Variants in PSMB9 observed in about 807,000 individuals in gnomAD.
PSMB9 encodes the protein proteasome 20S subunit beta 9, also known as proteasome subunit beta type-9.
PSMB9 carries 16 observed loss-of-function variants against 26.9 expected under a neutral mutation model. The ratio of observed to expected loss-of-function variants is 0.59; its 90% CI spans 0.40 to 0.90. PSMB9 has a LOEUF of 0.90. Ranked by LOEUF, PSMB9 falls within the 40% of genes least tolerant of loss-of-function variation. The pLI is 0.00. For missense variants in PSMB9, 253 were observed against 292.2 expected, an observed-to-expected ratio of 0.87 and a Z score of 0.98; for synonymous variants, 91 against 112.0, an observed-to-expected ratio of 0.81 and a Z score of 1.18.
In PSMB9 at chr6:32,859,624, G is replaced by A; in HGVS notation, c.*92G>A. On this transcript the variant is annotated 3_prime_UTR_variant, in exon 6 of 6. Coordinates refer to ENST00000374859, the MANE Select transcript of PSMB9 (RefSeq NM_002800.5). Reference sequence around the variant, plus strand: ...TTGGGAAATGAGTGCTCAGGGAGATGGAGCTTAGGGGAGGTGGGTGCTTCC... The same window carrying A: ...TTGGGAAATGAGTGCTCAGGGAGATAGAGCTTAGGGGAGGTGGGTGCTTCC... The A allele has an allele frequency of 6.9e-7, 1 of 1,441,550 alleles. No homozygotes were observed. The allele number at this position is 1,441,550 out of a possible 1,614,324, so 89.3% of individuals were successfully genotyped here.
chr6:32,858,096 C>A lies in PSMB9; in HGVS notation c.352C>A (p.Leu118Ile). ...YKYREDLSAH[L>I]MVAGWDQREG... Reference sequence around the variant, plus strand: ...ATATCGAGAGGACTTGTCTGCACATCTCATGGTAGCTGGCTGGGACCAACG... The same window carrying A: ...ATATCGAGAGGACTTGTCTGCACATATCATGGTAGCTGGCTGGGACCAACG... The change falls in exon 4 of 6, where the codon CTC becomes ATC. Residue 118 changes from leucine to isoleucine, a missense_variant. Physicochemically the swap from Leu to Ile is conservative, Grantham distance 5 (BLOSUM62 2). Transcript: ENST00000374859. This position sits in a 1 kb window ranked among gnomAD's most constrained non-coding sequence, Gnocchi z 5.2. The A allele has an allele frequency of 6.2e-7, 1 of 1,613,104 alleles. No individual in the cohort carries two copies. Among genetic ancestry groups the A allele is most frequent in the South Asian group, 1.1e-5 (1 of 91,092 alleles).
chr6:32,855,801 T>A (rs1337911683), intron 1 of PSMB9, among the ~76,000 whole-genome samples: 1 of 152,168 alleles, frequency 6.6e-6, no homozygotes, highest in Non-Finnish European at 1.5e-5. Flanking sequence ...TTGGAGATAA[T>A]TTTCACTTGC....
Position 32,859,684 on chromosome 6 carries a change from G to T in PSMB9, c.*152G>T. Reference sequence around the variant, plus strand: ...GTCAGCATACACTCTTTCTTCTTTTGTCCCAGGTCTAAAACATCTTTCCTA... The same window carrying T: ...GTCAGCATACACTCTTTCTTCTTTTTTCCCAGGTCTAAAACATCTTTCCTA... On this transcript the variant is annotated 3_prime_UTR_variant, in exon 6 of 6. Coordinates refer to ENST00000374859, the MANE Select transcript of PSMB9 (RefSeq NM_002800.5). 1 of 898,640 alleles carries T rather than the reference G, an allele frequency of 1.1e-6. No homozygotes were observed. The highest frequency in any genetic ancestry group is 2.6e-5 in the East Asian group (1 of 38,430). The allele number at this position is 898,640 out of a possible 1,614,324, so 55.7% of individuals were successfully genotyped here. A position where few individuals can be genotyped will look rare whatever the true frequency, so the allele number is the denominator to read the frequency against.
chr6:32,855,072 T>C (rs1771090947), intron 1 of PSMB9, among the ~76,000 whole-genome samples: 1 of 152,194 alleles, frequency 6.6e-6, no homozygotes, highest in Admixed American at 6.5e-5. Context: ...CCTCTATTCA[T>C]GATAAGTCGG....
In PSMB9 at chr6:32,859,560, T is replaced by A. The variant is rs763672004; in HGVS notation, c.*28T>A. On this transcript the variant is annotated 3_prime_UTR_variant, in exon 6 of 6. Coordinates refer to ENST00000374859, the MANE Select transcript of PSMB9 (RefSeq NM_002800.5). Reference sequence around the variant, plus strand: ...CTTCCCCAGACTTCTCTTTCTTATTTTGTAATAAACTCTCTAGGGCCAAAA... The same window carrying A: ...CTTCCCCAGACTTCTCTTTCTTATTATGTAATAAACTCTCTAGGGCCAAAA... The A allele has an allele frequency of 6.2e-7, 1 of 1,609,276 alleles. No individual in the cohort carries two copies. Among genetic ancestry groups the A allele is most frequent in the Non-Finnish European group, 8.5e-7 (1 of 1,177,786 alleles).
Position 32,856,074 on chromosome 6 carries a change from T to G in PSMB9, c.61-64T>G, listed in dbSNP as rs938301092. 6 of 1,449,816 alleles carry G rather than the reference T, an allele frequency of 4.1e-6. No homozygotes were observed. In the African/African-American group the frequency reaches 8.4e-5, roughly 20 times the overall value. 89.8% of individuals were successfully genotyped at this position (1,449,816 alleles called of 1,614,324 possible). Reference sequence around the variant, plus strand: ...TTCGCCTCTCTGGGAATGTTTCTTCTTCTCTAACATGAGGGCATCAAGGCT... The same window carrying G: ...TTCGCCTCTCTGGGAATGTTTCTTCGTCTCTAACATGAGGGCATCAAGGCT... On this transcript the variant is annotated intron_variant, in intron 1 of 5. Coordinates refer to ENST00000374859, the MANE Select transcript of PSMB9 (RefSeq NM_002800.5).
Position 32,858,536 on chromosome 6 carries a change from AG to A in PSMB9, c.532+34del. The A allele has an allele frequency of 1.2e-6, 2 of 1,612,592 alleles. No homozygotes were observed. The highest frequency in any genetic ancestry group is 1.7e-6 in the Non-Finnish European group (2 of 1,179,986). On this transcript the variant is annotated intron_variant, in intron 5 of 5. Coordinates refer to ENST00000374859, the MANE Select transcript of PSMB9 (RefSeq NM_002800.5). This position sits in a 1 kb window ranked among gnomAD's most constrained non-coding sequence, Gnocchi z 5.2. ...CAGCCAAGTGGAAGGGTACCTGGGG[AG>A]GGCTTTGAAACATGGGAAGGAAGTA... is the stretch of plus-strand genomic sequence containing the variant.
At chr6:32,855,494 G>A (rs768439780) in intron 1 of PSMB9, among the ~76,000 whole-genome samples, 3 of 152,118 alleles carry the variant, frequency 2.0e-5, no homozygotes, top group African/African-American at 7.2e-5. Flanking sequence ...TGGCTGCTGA[G>A]ATATGTATTT....
Position 32,858,116 on chromosome 6 carries a change from C to T in PSMB9, c.372C>T (p.Asp124=), listed in dbSNP as rs761647063. Residue 124 remains aspartate (D), a synonymous_variant, in exon 4 of 6, where the codon GAC becomes GAT. Coordinates refer to ENST00000374859, the MANE Select transcript of PSMB9 (RefSeq NM_002800.5). This position sits in a 1 kb window ranked among gnomAD's most constrained non-coding sequence, Gnocchi z 5.2. ...CACATCTCATGGTAGCTGGCTGGGA[C>T]CAACGTGAAGGAGGTCAGGTGAGTT... The part of the protein sequence containing the change: ...LSAHLMVAGW[D]QREGGQVYGT... The T allele has an allele frequency of 1.2e-6, 2 of 1,613,032 alleles. No individual in the cohort carries two copies. The highest frequency in any genetic ancestry group is 1.6e-4 in the Middle Eastern group (1 of 6,062).
At chr6:32,855,888 G>A (rs1771139381) in intron 1 of PSMB9, among the ~76,000 whole-genome samples, 1 of 152,162 alleles carries the variant, frequency 6.6e-6, no homozygotes, top group Non-Finnish European at 1.5e-5. Flanking sequence ...AGGCAAGTTG[G>A]AACTTAGGGA....
chr6:32,859,272 C>A (rs1219159115), intron 5 of PSMB9, 133 bp from the exon 6 acceptor site: 1 of 1,195,280 alleles, frequency 8.4e-7, no homozygotes, highest in Non-Finnish European at 1.1e-6. Flanking sequence ...CAGCACACCA[C>A]TAAATATGCC....
chr6:32,859,280 G>T (rs979737926), intron 5 of PSMB9, 125 bp from the exon 6 acceptor site: 67 of 1,234,906 alleles, frequency 5.4e-5, no homozygotes, highest in Non-Finnish European at 6.2e-5. Flanking sequence ...CACTAAATAT[G>T]CCTTCCTGGA....
rs1057384454 is a variant in PSMB9, at chr6:32,858,935, C to A, written c.532+430C>A. 3.7e-6 allele frequency: 1 copy of A among 269,040 alleles called. No individual in the cohort carries two copies. Among genetic ancestry groups the A allele is most frequent in the Non-Finnish European group, 7.2e-6 (1 of 138,884 alleles). 16.7% of individuals were successfully genotyped at this position (269,040 alleles called of 1,614,324 possible). A position where few individuals can be genotyped will look rare whatever the true frequency, so the allele number is the denominator to read the frequency against. On this transcript the variant is annotated intron_variant, in intron 5 of 5. Transcript: ENST00000374859. This position sits in a 1 kb window ranked among gnomAD's most constrained non-coding sequence, Gnocchi z 5.2. ...GGCATAGTGGTGCACACCTGTAGTC[C>A]CAGCTACTCAGGAGGCTGAGGTGGA...
chr6:32,859,235 A>C (rs1771327957), intron 5 of PSMB9, among the ~76,000 whole-genome samples, 170 bp from the exon 6 acceptor site: 1 of 152,216 alleles, frequency 6.6e-6, no homozygotes, highest in Admixed American at 6.5e-5. Context: ...CACATATGGA[A>C]GCCTTTTTGT....
In PSMB9 at chr6:32,854,335, C is replaced by T; in HGVS notation, c.60+46C>T. 7.0e-7 allele frequency: 1 copy of T among 1,430,896 alleles called. No homozygotes were observed. Among genetic ancestry groups the T allele is most frequent in the Non-Finnish European group, 9.2e-7 (1 of 1,089,880 alleles). 88.6% of individuals were successfully genotyped at this position (1,430,896 alleles called of 1,614,324 possible). ...GGTTGGCAGAGGGGTGGAGGAGATG[C>T]AGCGGCCAGGGGACCCTGGAAGCGC... On this transcript the variant is annotated intron_variant, in intron 1 of 5. Transcript: ENST00000374859. This position sits in a 1 kb window ranked among gnomAD's most constrained non-coding sequence, Gnocchi z 4.6.
At position 32,854,351 on chromosome 6, in the gene PSMB9, C is replaced by G; in HGVS notation, c.60+62C>G. On this transcript the variant is annotated intron_variant, in intron 1 of 5. Coordinates refer to ENST00000374859, the MANE Select transcript of PSMB9 (RefSeq NM_002800.5). The surrounding 1 kb of genome is among the most constrained non-coding windows in gnomAD (Gnocchi z 4.6). ...GAGGAGATGCAGCGGCCAGGGGACC[C>G]TGGAAGCGCGCGCGGAGAAGTGAAT... is the stretch of plus-strand genomic sequence containing the variant. 7.1e-7 allele frequency: 1 copy of G among 1,410,740 alleles called. No homozygotes were observed. Among genetic ancestry groups the G allele is most frequent in the Non-Finnish European group, 9.3e-7 (1 of 1,074,814 alleles). 87.4% of individuals were successfully genotyped at this position (1,410,740 alleles called of 1,614,324 possible).
chr6:32,858,289 G>A lies in PSMB9; in HGVS notation c.391-75G>A, dbSNP rs112322888. ...ATGAGATACCAGGGCTTCATTGCAG[G>A]GTGCAGAGACCACTTAATGTCTCAG... On this transcript the variant is annotated intron_variant, in intron 4 of 5. Coordinates refer to ENST00000374859, the MANE Select transcript of PSMB9 (RefSeq NM_002800.5). This position sits in a 1 kb window ranked among gnomAD's most constrained non-coding sequence, Gnocchi z 5.2. 61 of 1,605,830 alleles carry A rather than the reference G, an allele frequency of 3.8e-5. No homozygotes were observed. The African/African-American group carries it at 8.2e-4, about 22-fold the overall frequency.
chr6:32,859,014 T>C (rs1224474297), intron 5 of PSMB9: 2 of 202,468 alleles, frequency 9.9e-6, no homozygotes, highest in African/African-American at 2.5e-5. Context: ...ATTGCACCAC[T>C]GCGCTGCAGC....
Position 32,854,253 on chromosome 6 carries a change from C to G in PSMB9, c.24C>G (p.Thr8=), listed in dbSNP as rs770895915. The stretch of plus-strand genomic sequence containing the variant: ...GGATGCTGCGGGCGGGAGCACCAAC[C>G]GGGGACTTACCCCGGGCGGGAGAAG... MLRAGAP[T]GDLPRAGEVH... is the part of the protein sequence containing the mutation. Residue 8 remains threonine, a synonymous_variant, in exon 1 of 6, where the codon ACC becomes ACG. Transcript: ENST00000374859. This position sits in a 1 kb window ranked among gnomAD's most constrained non-coding sequence, Gnocchi z 4.6. 1.3e-6 allele frequency: 2 copies of G among 1,533,760 alleles called. No homozygotes were observed. The highest frequency in any genetic ancestry group is 1.8e-6 in the Non-Finnish European group (2 of 1,142,042).
Sources: allele counts gnomAD v4.1 joint callset (sites outside exome capture counted in the v4.1 genomes callset), GRCh38; gene constraint gnomAD v4.1.1; non-coding constraint Gnocchi (gnomAD v3.1); transcripts MANE v1.5; gene names NCBI Gene and HGNC (gene_info 2026-07-23, HGNC 2026-07-21).